The following FAF1 variants were observed in gnomAD, a reference collection of about 807,000 sequenced individuals.
FAF1 encodes the protein FAS-associated factor 1.
Under a neutral mutation model 92.5 loss-of-function variants are expected in FAF1, and 25 were observed. The ratio of observed to expected loss-of-function variants is 0.27; its 90% CI spans 0.20 to 0.38. The LOEUF (loss-of-function observed/expected upper bound fraction) is 0.38. FAF1 is among the 10% of genes least tolerant of loss of function. The probability of loss-of-function intolerance (pLI) is 1.00; values close to 1 mark genes in which losing one functional copy is unlikely to be tolerated. For missense variants in FAF1, 636 were observed against 793.3 expected, an observed-to-expected ratio of 0.80 and a Z score of 2.38; for synonymous variants, 234 against 273.2, an observed-to-expected ratio of 0.86 and a Z score of 1.42.
chr1:50,851,810 CTG>C (rs1570052269), intron 2 of FAF1, among the ~76,000 whole-genome samples: 2 of 152,176 alleles, frequency 1.3e-5, no homozygotes. Context: ...TCAAGAAAAA[CTG>C]TGAACCTCAA....
intron 6 of FAF1, among the ~76,000 whole-genome samples, chr1:50,727,145 T>C (rs1190870373): frequency 5.9e-5 from 9 of 152,274 alleles, no homozygotes; most frequent in African/African-American, 1.2e-4. Flanking sequence ...GAGGCCTTTA[T>C]TGACCTTACA....
At chr1:50,494,922 TATG>T (rs985818237) in intron 15 of FAF1, among the ~76,000 whole-genome samples, 8 of 152,306 alleles carry the variant, frequency 5.3e-5, no homozygotes, top group African/African-American at 1.9e-4. Context: ...TCCTGAGTAT[TATG>T]ATGAGTTGTT....
In FAF1 at chr1:50,535,462, A is replaced by G; in HGVS notation, c.1406-5T>C. 1 of 1,578,930 alleles carries G rather than the reference A, an allele frequency of 6.3e-7. No individual in the cohort carries two copies. Among genetic ancestry groups the G allele is most frequent in the South Asian group, 1.1e-5 (1 of 88,482 alleles). ...ACTCATCTACTGTTGTGTTCCCTAA[A>G]AACATATAGAGATTGCCAAACTTTT... On this transcript the variant is annotated splice_region_variant and splice_polypyrimidine_tract_variant and intron_variant, in intron 14 of 18. Transcript: ENST00000396153.
At chr1:50,788,541 C>T (rs1569949921) in intron 3 of FAF1, among the ~76,000 whole-genome samples, 1 of 152,190 alleles carries the variant, frequency 6.6e-6, no homozygotes, top group Non-Finnish European at 1.5e-5. Context: ...CACTCACTCT[C>T]ATTTACTCAC....
chr1:50,788,508 T>C (rs1437300488), intron 3 of FAF1, among the ~76,000 whole-genome samples: 1 of 152,226 alleles, frequency 6.6e-6, no homozygotes, highest in Non-Finnish European at 1.5e-5. Flanking sequence ...TTTAACTCGG[T>C]AAATTAAGAA....
At chr1:50,596,243 T>C in intron 8 of FAF1, 27 bp from the exon 9 acceptor site, 1 of 1,494,266 alleles carries the variant, frequency 6.7e-7, no homozygotes, top group Non-Finnish European at 9.3e-7. Flanking sequence ...CCATCATTTG[T>C]AAACAAAATA....
chr1:50,902,392 A>C (rs1644803171), intron 1 of FAF1, among the ~76,000 whole-genome samples: 1 of 152,240 alleles, frequency 6.6e-6, no homozygotes, highest in Non-Finnish European at 1.5e-5. Flanking sequence ...AATAATTTTT[A>C]TGTTGATTAC....
chr1:50,732,893 CTT>C (rs200456232), intron 6 of FAF1, among the ~76,000 whole-genome samples: 6 of 144,558 alleles, frequency 4.2e-5, no homozygotes, highest in African/African-American at 1.5e-4. Context: ...TTATTTACTT[CTT>C]TTTTTTTTTA....
At chr1:50,836,170 GTTTTTTT>G (rs36053491) in intron 2 of FAF1, among the ~76,000 whole-genome samples, 1 of 98,526 alleles carries the variant, frequency 1.0e-5, no homozygotes, top group Non-Finnish European at 2.0e-5. Flanking sequence ...TTTTGTTTCT[GTTTTTTT>G]TTTTTTTTTT....
intron 3 of FAF1, among the ~76,000 whole-genome samples, chr1:50,798,213 T>C (rs578135160): frequency 1.3e-5 from 2 of 152,354 alleles, no homozygotes; most frequent in Non-Finnish European, 2.9e-5. Flanking sequence ...CCTGGGCATT[T>C]ACATATTCTG....
intron 1 of FAF1, among the ~76,000 whole-genome samples, chr1:50,936,817 G>A (rs1645088669): frequency 6.6e-6 from 1 of 152,012 alleles, no homozygotes; most frequent in Non-Finnish European, 1.5e-5. Context: ...AATATGAGGG[G>A]AAGGAGAGAG....
intron 4 of FAF1, among the ~76,000 whole-genome samples, chr1:50,756,501 G>A (rs192138876): frequency 6.6e-6 from 1 of 152,234 alleles, no homozygotes; most frequent in East Asian, 1.9e-4. Context: ...CTTCTTCATA[G>A]CCCTCCAAAC....
intron 2 of FAF1, among the ~76,000 whole-genome samples, chr1:50,812,077 A>G (rs981342068): frequency 1.3e-5 from 2 of 152,226 alleles, no homozygotes; most frequent in African/African-American, 4.8e-5. Context: ...GATGAATTAA[A>G]GACTCAAATG....
At chr1:50,753,197 A>G (rs147845245) in intron 4 of FAF1, among the ~76,000 whole-genome samples, 155 of 152,266 alleles carry the variant, frequency 1.0e-3, no homozygotes, top group Non-Finnish European at 2.0e-3. Flanking sequence ...CCTCTTCCCT[A>G]GAGAACCACT....
chr1:50,491,787 G>A lies in FAF1; in HGVS notation c.1509C>T (p.Ala503=), dbSNP rs1334565772. Residue 503 remains alanine, a synonymous_variant, in exon 16 of 19, where the codon GCC becomes GCT. Coordinates refer to ENST00000396153, the MANE Select transcript of FAF1 (RefSeq NM_007051.3). ...EDIKDEDERE[A]RENVKREQDE... is the part of the protein sequence containing the mutation. ...CTTGCTCTCTCTTCACATTTTCTCTGGCTTCACGTTCATCCTTAAAGAAAA... is the reference window on the plus strand; with the variant it reads ...CTTGCTCTCTCTTCACATTTTCTCTAGCTTCACGTTCATCCTTAAAGAAAA... The A allele has an allele frequency of 2.8e-5, 45 of 1,610,310 alleles. No homozygotes were observed. The highest frequency in any genetic ancestry group is 3.8e-5 in the Non-Finnish European group (45 of 1,178,542).
At chr1:50,939,059 G>C (rs374885647) in intron 1 of FAF1, among the ~76,000 whole-genome samples, 225 of 152,164 alleles carry the variant, frequency 1.5e-3, no homozygotes, top group African/African-American at 5.2e-3. Flanking sequence ...GCTCATTTTT[G>C]CTTCCATGTG....
At chr1:50,747,869 T>A (rs934479472) in intron 4 of FAF1, among the ~76,000 whole-genome samples, 1 of 151,994 alleles carries the variant, frequency 6.6e-6, no homozygotes, top group Non-Finnish European at 1.5e-5. Context: ...GTGTGCCACC[T>A]CCCCTCTCTC....
chr1:50,811,253 C>T (rs1643906637), intron 2 of FAF1, among the ~76,000 whole-genome samples: 1 of 152,108 alleles, frequency 6.6e-6, no homozygotes, highest in Admixed American at 6.5e-5. Flanking sequence ...ATGGGAAGAT[C>T]ACTTGGGCCC....
intron 8 of FAF1, among the ~76,000 whole-genome samples, chr1:50,614,851 A>C (rs1652837509): frequency 1.3e-5 from 2 of 152,140 alleles, no homozygotes; most frequent in Admixed American, 1.3e-4. Context: ...AAAAAAAAAA[A>C]AAAAAAAAGT....
Sources: gnomAD v4.1 joint callset for allele counts (sites outside exome capture counted in the v4.1 genomes callset) on GRCh38, gnomAD v4.1.1 for gene constraint, MANE v1.5 for transcripts, NCBI Gene and HGNC (gene_info 2026-07-23, HGNC 2026-07-21) for gene names.